Variants in CEP112 observed in about 807,000 individuals in gnomAD.
The protein encoded by CEP112 is centrosomal protein 112.
CEP112 carries 127 observed loss-of-function variants against 153.0 expected under a neutral mutation model. That is an observed-to-expected ratio of 0.83 (90% CI 0.72 to 0.96). CEP112 has a LOEUF of 0.96. Among genes scored for constraint, CEP112 ranks in the 40% least tolerant of loss-of-function variants. CEP112 has a pLI of 0.00. For missense variants in CEP112, 1,089 were observed against 1,101.2 expected, an observed-to-expected ratio of 0.99 and a Z score of 0.16; for synonymous variants, 358 against 374.4, an observed-to-expected ratio of 0.96 and a Z score of 0.51.
intron 24 of CEP112, among the ~76,000 whole-genome samples, chr17:65,670,375 A>T (rs1022387353): frequency 6.6e-6 from 1 of 151,588 alleles, no homozygotes; most frequent in African/African-American, 2.4e-5. Flanking sequence ...AAAAAAAAAA[A>T]CCCTCATAAT....
chr17:65,999,197 CTT>C (rs34483996), intron 17 of CEP112, among the ~76,000 whole-genome samples: 49,562 of 131,306 alleles, frequency 0.38, 8,839 homozygotes, highest in East Asian at 0.8. Flanking sequence ...TTACTAAATT[CTT>C]TTTTTTTTTT....
intron 23 of CEP112, among the ~76,000 whole-genome samples, chr17:65,696,942 C>G (rs74906905): frequency 6.6e-6 from 1 of 151,944 alleles, no homozygotes; most frequent in Non-Finnish European, 1.5e-5. Flanking sequence ...AGGAGGGATG[C>G]GGGAGGATTT....
At chr17:65,917,318 TATG>T (rs1247918626) in intron 19 of CEP112, among the ~76,000 whole-genome samples, 9 of 151,862 alleles carry the variant, frequency 5.9e-5, no homozygotes, top group African/African-American at 2.2e-4. Flanking sequence ...TCAAAAAGAG[TATG>T]ATAAGGTAAG....
chr17:65,784,848 T>C (rs2054192305), intron 21 of CEP112, among the ~76,000 whole-genome samples: 1 of 152,186 alleles, frequency 6.6e-6, no homozygotes. Context: ...AATTTAAAAC[T>C]GCACCATTCA....
At chr17:65,942,353 G>A (rs913093187) in intron 18 of CEP112, among the ~76,000 whole-genome samples, 2 of 152,152 alleles carry the variant, frequency 1.3e-5, no homozygotes, top group Non-Finnish European at 2.9e-5. Context: ...CTAGTACCTA[G>A]TACCAAAAAG....
intron 18 of CEP112, among the ~76,000 whole-genome samples, chr17:65,934,911 ACCT>A (rs1330965576): frequency 1.3e-5 from 2 of 152,188 alleles, no homozygotes; most frequent in Non-Finnish European, 1.5e-5. Flanking sequence ...GAAGAAAGAC[ACCT>A]CCTTCACAGG....
At chr17:65,896,484 TCTGCTAA>T (rs994855586) in intron 20 of CEP112, among the ~76,000 whole-genome samples, 4 of 152,056 alleles carry the variant, frequency 2.6e-5, no homozygotes, top group African/African-American at 9.7e-5. Context: ...TCCTATATTT[TCTGCTAA>T]CTAAATACTT....
At chr17:65,791,477 C>T (rs141304173) in intron 21 of CEP112, among the ~76,000 whole-genome samples, 1 of 152,230 alleles carries the variant, frequency 6.6e-6, no homozygotes, top group East Asian at 1.9e-4. Context: ...GAGGGCACTT[C>T]CCTAAGTAAA....
intron 17 of CEP112, among the ~76,000 whole-genome samples, chr17:65,986,867 C>T (rs866085243): frequency 2.6e-5 from 4 of 152,014 alleles, no homozygotes; most frequent in African/African-American, 9.7e-5. Flanking sequence ...GGAGAAGACA[C>T]AAGACAATCC....
intron 16 of CEP112, among the ~76,000 whole-genome samples, chr17:66,016,151 AT>A (rs1452671870): frequency 6.6e-6 from 1 of 152,062 alleles, no homozygotes; most frequent in Non-Finnish European, 1.5e-5. Flanking sequence ...ATCTTCTTGT[AT>A]GCTACTGGTG....
intron 2 of CEP112, among the ~76,000 whole-genome samples, chr17:66,180,889 C>G (rs1170511229): frequency 6.6e-6 from 1 of 152,094 alleles, no homozygotes. Flanking sequence ...ATGGTGCAAA[C>G]ATCATTTCAG....
At chr17:66,004,264 G>A (rs978577652) in intron 17 of CEP112, among the ~76,000 whole-genome samples, 1 of 151,752 alleles carries the variant, frequency 6.6e-6, no homozygotes, top group Non-Finnish European at 1.5e-5. Flanking sequence ...GGCGGATCAC[G>A]AGGTCAGGAG....
intron 17 of CEP112, among the ~76,000 whole-genome samples, chr17:66,003,428 G>A (rs12946943): frequency 0.41 from 62,465 of 151,892 alleles, 14,305 homozygotes; most frequent in East Asian, 0.87. Context: ...ACACTGAAAC[G>A]ATCAGTCTGA....
At chr17:66,137,461 T>C (rs1047325695) in intron 4 of CEP112, among the ~76,000 whole-genome samples, 2 of 151,942 alleles carry the variant, frequency 1.3e-5, no homozygotes, top group Non-Finnish European at 2.9e-5. Flanking sequence ...TCCAGATTTA[T>C]GAAGCTCAAA....
intron 11 of CEP112, among the ~76,000 whole-genome samples, chr17:66,062,613 C>T (rs959593283): frequency 4.6e-5 from 7 of 152,036 alleles, no homozygotes; most frequent in African/African-American, 9.7e-5. Context: ...GAAAGAAATA[C>T]TCCAATGGCC....
chr17:66,092,652 C>T (rs946835866), intron 8 of CEP112, among the ~76,000 whole-genome samples: 1 of 152,124 alleles, frequency 6.6e-6, no homozygotes, highest in African/African-American at 2.4e-5. Flanking sequence ...AATTCAACAG[C>T]ACACTCAGAA....
At chr17:66,139,271 C>T (rs1439334126) in intron 4 of CEP112, among the ~76,000 whole-genome samples, 1 of 151,976 alleles carries the variant, frequency 6.6e-6, no homozygotes, top group Non-Finnish European at 1.5e-5. Flanking sequence ...CAACTAAAAT[C>T]AGAAATGAAA....
intron 16 of CEP112, among the ~76,000 whole-genome samples, chr17:66,012,255 T>C (rs1392061344): frequency 6.6e-6 from 1 of 152,206 alleles, no homozygotes; most frequent in Non-Finnish European, 1.5e-5. Flanking sequence ...TATGTGCTTA[T>C]TTGATCCTGT....
At position 65,981,579 on chromosome 17, in the gene CEP112, GT is replaced by G. The variant is rs1340981413; in HGVS notation, c.1737-19982del. On this transcript the variant is annotated intron_variant, in intron 17 of 26. Transcript: ENST00000535342. The stretch of plus-strand genomic sequence containing the variant: ...CTCAGTCGTGGTTTTTGATTTTTTT[GT>G]TTGTTTGTTTTTGAAATGGAGTCTT... Among the ~76,000 whole-genome samples, 3 of 145,868 alleles carry G rather than the reference GT, an allele frequency of 2.1e-5. No homozygotes were observed. In the East Asian group the frequency reaches 5.8e-4, roughly 28 times the overall value.
Sources: gnomAD v4.1 joint callset for allele counts (sites outside exome capture counted in the v4.1 genomes callset) on GRCh38, gnomAD v4.1.1 for gene constraint, MANE v1.5 for transcripts, NCBI Gene and HGNC (gene_info 2026-07-23, HGNC 2026-07-21) for gene names.